Variants in LRCH3 observed in about 807,000 individuals in gnomAD.
The protein encoded by LRCH3 is DISP complex protein LRCH3.
In LRCH3, 68 loss-of-function variants were observed where a neutral mutation model predicts 104.5. The observed-to-expected ratio is 0.65, with a 90% CI of 0.54 to 0.80. The LOEUF (loss-of-function observed/expected upper bound fraction) is 0.80, where lower values mean the gene tolerates loss of function less well. Among genes scored for constraint, LRCH3 ranks in the 30% least tolerant of loss-of-function variants. The pLI is 0.00. For synonymous variants in LRCH3, 344 were observed against 361.3 expected, an observed-to-expected ratio of 0.95 and a Z score of 0.54; for missense variants, 951 against 953.9, an observed-to-expected ratio of 1.00 and a Z score of 0.04.
chr3:197,818,052 A>G (rs1047724868), intron 3 of LRCH3, among the ~76,000 whole-genome samples: 20 of 152,100 alleles, frequency 1.3e-4, no homozygotes, highest in Non-Finnish European at 2.9e-4. Context: ...TGATCTCCTG[A>G]CCTTGTGATC....
chr3:197,806,076 G>A (rs1732453959), intron 1 of LRCH3, among the ~76,000 whole-genome samples: 1 of 151,860 alleles, frequency 6.6e-6, no homozygotes, highest in Admixed American at 6.6e-5. Flanking sequence ...ACAGGCATGT[G>A]CCACCACACC....
Position 197,817,241 on chromosome 3 carries a change from G to T in LRCH3, c.473G>T (p.Ser158Ile). The T allele has an allele frequency of 6.2e-7, 1 of 1,610,754 alleles. No individual in the cohort carries two copies. Among genetic ancestry groups the T allele is most frequent in the Middle Eastern group, 1.7e-4 (1 of 6,054 alleles). ...CNLPLKVLIA[S>I]NNKLVSLPEE... ...TTGCCATTGAAAGTCTTAATTGCTA[G>T]TAATAACAAATTGGTGTCACTTCCA... is the stretch of plus-strand genomic sequence containing the variant. The change falls in exon 3 of 21, where the codon AGT becomes ATT. Residue 158 changes from serine (S) to isoleucine (I), a missense_variant. By Grantham distance (142) the Ser-to-Ile change is moderately radical. Coordinates refer to ENST00000425562, the MANE Select transcript of LRCH3 (RefSeq NM_001365715.1).
chr3:197,879,743 G>T (rs1363292866), intron 20 of LRCH3, among the ~76,000 whole-genome samples: 1 of 152,200 alleles, frequency 6.6e-6, no homozygotes. Flanking sequence ...GCTTTCCTCA[G>T]TCTTTGAACC....
chr3:197,849,732 A>G lies in LRCH3; in HGVS notation c.1530+1711A>G, dbSNP rs577111018. ...TAAGCAATGTGGTCATTTATAGTAC[A>G]TTTGTTTTCTTAATCAGGAGGCAAA... On this transcript the variant is annotated intron_variant, in intron 12 of 20. Transcript: ENST00000425562. 4.6e-5 allele frequency among the ~76,000 whole-genome samples: 7 copies of G among 152,270 alleles called. No homozygotes were observed. In the South Asian group the frequency reaches 1.5e-3, roughly 32 times the overall value.
intron 20 of LRCH3, chr3:197,880,460 G>T: frequency 7.5e-7 from 1 of 1,341,520 alleles, no homozygotes; most frequent in Non-Finnish European, 1.0e-6. Context: ...CTGCATTTCT[G>T]ATCCACTGAC....
chr3:197,839,499 T>C, intron 10 of LRCH3, 102 bp downstream of exon 10: 1 of 654,318 alleles, frequency 1.5e-6, no homozygotes. Context: ...GATGTTTACA[T>C]GGCATGTATT....
intron 20 of LRCH3, 73 bp downstream of exon 20, chr3:197,875,848 T>A: frequency 1.0e-6 from 1 of 994,574 alleles, no homozygotes; most frequent in Non-Finnish European, 1.5e-6. Flanking sequence ...TGTAAATCTC[T>A]AAAATCTTAC....
Position 197,826,883 on chromosome 3 carries a change from G to A in LRCH3, c.646G>A (p.Ala216Thr), listed in dbSNP as rs1427294895. ...TCCATTTTACCTTCTTGCAGAGCTG[G>A]CGGAGTTGCCTTTGATACGGTTAGA... Reference protein sequence around the residue: ...NHLVHLPEELAELPLIRLDFS... With the variant: ...NHLVHLPEELTELPLIRLDFS... Residue 216 changes from alanine (A) to threonine (T), a missense_variant, in exon 5 of 21, where the codon GCG (alanine) becomes ACG (threonine). Coordinates refer to ENST00000425562, the MANE Select transcript of LRCH3 (RefSeq NM_001365715.1). The A allele has an allele frequency of 6.2e-7, 1 of 1,613,884 alleles. No homozygotes were observed. The highest frequency in any genetic ancestry group is 8.5e-7 in the Non-Finnish European group (1 of 1,179,998).
At chr3:197,821,953 C>T (rs1294135233) in intron 4 of LRCH3, among the ~76,000 whole-genome samples, 4 of 152,216 alleles carry the variant, frequency 2.6e-5, no homozygotes, top group Admixed American at 2.0e-4. Flanking sequence ...GGATTATAGG[C>T]GTGAGCCACT....
rs964063604 is a variant in LRCH3, at chr3:197,835,553, C to A, written c.1103-121C>A. 6 of 1,270,590 alleles carry A rather than the reference C, an allele frequency of 4.7e-6. No individual in the cohort carries two copies. In the African/African-American group the frequency reaches 7.7e-5, roughly 16 times the overall value. 78.7% of individuals were successfully genotyped at this position (1,270,590 alleles called of 1,614,324 possible). ...AATTTAAAGTTTTTATCATCCCTCC[C>A]ACTTTCAAAATAGAAAATCATGGGG... On this transcript the variant is annotated intron_variant, in intron 8 of 20. Transcript: ENST00000425562.
At chr3:197,850,370 C>CTTTTTTTTTTTTTTTT in intron 12 of LRCH3, 1 of 710,368 alleles carries the variant, frequency 1.4e-6, no homozygotes, top group East Asian at 3.1e-5. Context: ...TTTTTTTTTC[C>CTTTTTTTTTTTTTTTT]TTTTAATTAC....
intron 20 of LRCH3, among the ~76,000 whole-genome samples, chr3:197,877,904 C>G (rs1313456173): frequency 1.3e-5 from 2 of 152,100 alleles, no homozygotes; most frequent in East Asian, 3.8e-4. Flanking sequence ...AAAGGGTCAT[C>G]TTTTAGAACA....
At chr3:197,824,525 T>C (rs1734894035) in intron 4 of LRCH3, among the ~76,000 whole-genome samples, 1 of 151,040 alleles carries the variant, frequency 6.6e-6, no homozygotes, top group African/African-American at 2.4e-5. Flanking sequence ...CTGAGCCCTT[T>C]TTTTCTCTTC....
intron 9 of LRCH3, among the ~76,000 whole-genome samples, chr3:197,838,883 G>T (rs1737345398): frequency 6.6e-6 from 1 of 152,180 alleles, no homozygotes; most frequent in Admixed American, 6.5e-5. Context: ...GATAAATAAA[G>T]AAATGTAACC....
intron 20 of LRCH3, among the ~76,000 whole-genome samples, chr3:197,879,473 C>A (rs576049392): frequency 6.6e-6 from 1 of 150,828 alleles, no homozygotes; most frequent in South Asian, 2.1e-4. Flanking sequence ...GGTGAAACCC[C>A]GTCTCTACTA....
At chr3:197,838,257 A>G (rs1240136650) in intron 9 of LRCH3, among the ~76,000 whole-genome samples, 1 of 152,236 alleles carries the variant, frequency 6.6e-6, no homozygotes, top group African/African-American at 2.4e-5. Flanking sequence ...CTGTCTCCAG[A>G]TAAGCAAAAA....
chr3:197,830,322 T>G (rs1735762554), intron 6 of LRCH3, among the ~76,000 whole-genome samples: 1 of 152,172 alleles, frequency 6.6e-6, no homozygotes, highest in Non-Finnish European at 1.5e-5. Context: ...GCTCAAGCAT[T>G]CCTCCCACCT....
At chr3:197,863,975 T>C (rs1439310257) in intron 15 of LRCH3, among the ~76,000 whole-genome samples, 3 of 152,204 alleles carry the variant, frequency 2.0e-5, no homozygotes, top group East Asian at 1.9e-4. Context: ...TTTCATAGTC[T>C]TAGGAAGAGC....
Position 197,830,821 on chromosome 3 carries a change from C to G in LRCH3, c.939C>G (p.Phe313Leu). Reference sequence around the variant, plus strand: ...CTTATGGAGCCCTTGATTCAGGCTTCAATAGTGTGGACAGTGGTGATAAGA... The same window carrying G: ...CTTATGGAGCCCTTGATTCAGGCTTGAATAGTGTGGACAGTGGTGATAAGA... ...SRPYGALDSG[F>L]NSVDSGDKRW... The change falls in exon 7 of 21, where the codon TTC becomes TTG. Residue 313 changes from phenylalanine to leucine, a missense_variant. Phe to Leu is a conservative substitution (Grantham distance 22). Transcript: ENST00000425562. The G allele has an allele frequency of 6.2e-7, 1 of 1,613,942 alleles. No individual in the cohort carries two copies. The highest frequency in any genetic ancestry group is 8.5e-7 in the Non-Finnish European group (1 of 1,179,992).
Sources: allele counts gnomAD v4.1 joint callset (sites outside exome capture counted in the v4.1 genomes callset), GRCh38; gene constraint gnomAD v4.1.1; transcripts MANE v1.5; gene names NCBI Gene and HGNC (gene_info 2026-07-23, HGNC 2026-07-21).